The following ARID5B variants were observed in gnomAD, a reference collection of about 807,000 sequenced individuals.
ARID5B encodes AT-rich interaction domain 5B.
ARID5B carries 13 observed loss-of-function variants against 97.2 expected under a neutral mutation model. The ratio of observed to expected loss-of-function variants is 0.13; its 90% CI spans 0.09 to 0.21. ARID5B has a LOEUF of 0.21. ARID5B is among the 10% of genes least tolerant of loss of function. The probability of loss-of-function intolerance (pLI) is 1.00; values close to 1 mark genes in which losing one functional copy is unlikely to be tolerated. For synonymous variants in ARID5B, 556 were observed against 570.3 expected (o/e 0.97, Z 0.36); for missense variants, 1,210 against 1,465.3 (o/e 0.83, Z 2.84).
chr10:61,969,343 T>A (rs1838591900), intron 3 of ARID5B, among the ~76,000 whole-genome samples: 1 of 152,180 alleles, frequency 6.6e-6, no homozygotes, highest in Non-Finnish European at 1.5e-5. Flanking sequence ...TTTTGTGAGG[T>A]GGTCAAACAG....
chr10:62,091,165 A>G lies in ARID5B; in HGVS notation c.1702A>G (p.Ser568Gly). Residue 568 changes from serine (S) to glycine (G), a missense_variant, in exon 10 of 10, where the codon AGT (serine) becomes GGT (glycine). By Grantham distance (56) the Ser-to-Gly change is moderately conservative. Coordinates refer to ENST00000279873, the MANE Select transcript of ARID5B (RefSeq NM_032199.3). ...CAGCAAACAGCCACTCACCTCTCCTAGTGCCCTGGTGGACTCAAAACAAGA... is the reference window on the plus strand; with the variant it reads ...CAGCAAACAGCCACTCACCTCTCCTGGTGCCCTGGTGGACTCAAAACAAGA... ...GASKQPLTSPSALVDSKQESK... is the reference protein window; with the variant it reads ...GASKQPLTSPGALVDSKQESK... 1.2e-6 allele frequency: 2 copies of G among 1,614,130 alleles called. No individual in the cohort carries two copies. Among genetic ancestry groups the G allele is most frequent in the Non-Finnish European group, 1.7e-6 (2 of 1,180,012 alleles).
Position 62,093,651 on chromosome 10 carries a change from C to CTTTTTT in ARID5B, c.*643_*648dup, listed in dbSNP as rs57902062. On this transcript the variant is annotated 3_prime_UTR_variant, in exon 10 of 10. Coordinates refer to ENST00000279873, the MANE Select transcript of ARID5B (RefSeq NM_032199.3). ...CCATTTTCTCCCAGTTCCTTCTCGTCTTTTTTTTTTTTTTTTTTTTTTTTT... is the reference window on the plus strand; with the variant it reads ...CCATTTTCTCCCAGTTCCTTCTCGTCTTTTTTTTTTTTTTTTTTTTTTTTTTTTTTT... 16 of 87,010 alleles carry CTTTTTT rather than the reference C, an allele frequency of 1.8e-4. No homozygotes were observed. The highest frequency in any genetic ancestry group is 6.7e-4 in the Admixed American group (3 of 4,454). 5.4% of individuals were successfully genotyped at this position (87,010 alleles called of 1,614,324 possible).
At chr10:62,029,050 A>T (rs1302934678) in intron 4 of ARID5B, among the ~76,000 whole-genome samples, 1 of 152,158 alleles carries the variant, frequency 6.6e-6, no homozygotes, top group African/African-American at 2.4e-5. Flanking sequence ...ACCTAAATCA[A>T]GGGAGATCTG....
chr10:61,961,576 G>C (rs544693399), intron 3 of ARID5B, among the ~76,000 whole-genome samples: 1 of 152,216 alleles, frequency 6.6e-6, no homozygotes, highest in South Asian at 2.1e-4. Context: ...TGCCCTTTTC[G>C]CGTGTCAGTT....
chr10:61,992,168 A>G (rs1285437933), intron 3 of ARID5B, among the ~76,000 whole-genome samples: 1 of 152,240 alleles, frequency 6.6e-6, no homozygotes, highest in African/African-American at 2.4e-5. Flanking sequence ...CAATCTGGCC[A>G]TGAAGTCTCA....
intron 6 of ARID5B, 105 bp downstream of exon 6, chr10:62,057,423 A>AT: frequency 8.6e-7 from 1 of 1,164,112 alleles, no homozygotes; most frequent in Middle Eastern, 2.7e-4. Flanking sequence ...TAATCTGGGG[A>AT]TAGTGCTCTC....
At chr10:61,973,297 G>A (rs1838655019) in intron 3 of ARID5B, among the ~76,000 whole-genome samples, 1 of 152,154 alleles carries the variant, frequency 6.6e-6, no homozygotes, top group South Asian at 2.1e-4. Context: ...TAGAAAACTA[G>A]CAAAGTGATG....
chr10:62,032,178 G>A (rs1458969164), intron 4 of ARID5B, among the ~76,000 whole-genome samples: 2 of 152,146 alleles, frequency 1.3e-5, no homozygotes, highest in Non-Finnish European at 2.9e-5. Context: ...AAGTAGTCAG[G>A]TGTGGTGGCA....
Position 62,092,731 on chromosome 10 carries a change from G to A in ARID5B, c.3268G>A (p.Gly1090Ser), listed in dbSNP as rs1405830003. The A allele has an allele frequency of 6.2e-7, 1 of 1,613,950 alleles. No individual in the cohort carries two copies. The highest frequency in any genetic ancestry group is 8.5e-7 in the Non-Finnish European group (1 of 1,180,016). Residue 1090 changes from glycine (G) to serine (S), a missense_variant, in exon 10 of 10, where the codon GGC becomes AGC. Physicochemically the swap from Gly to Ser is moderately conservative, Grantham distance 56 (BLOSUM62 0). Around this residue, in one of 8 missense-constraint regions of ARID5B, gnomAD observed 800 missense variants for 839.1 expected, o/e 0.95. Transcript: ENST00000279873. ...GTATTCCGGGAGCCTGTGTAACTCG[G>A]GCCTCAACTCCAGGCTCCCGGCTGG... ...GLYSGSLCNSGLNSRLPAGYS... is the reference protein window; with the variant it reads ...GLYSGSLCNSSLNSRLPAGYS...
At chr10:62,040,699 TATC>T (rs1410143740) in intron 4 of ARID5B, among the ~76,000 whole-genome samples, 2 of 152,232 alleles carry the variant, frequency 1.3e-5, no homozygotes, top group Non-Finnish European at 2.9e-5. Context: ...TTCAAAATAT[TATC>T]ATTTCAATAT....
chr10:61,904,068 T>G, intron 2 of ARID5B, among the ~76,000 whole-genome samples: 1 of 57,706 alleles, frequency 1.7e-5, no homozygotes, highest in East Asian at 5.5e-4. Flanking sequence ...CGACCCAACT[T>G]TCCTGCGCAG....
intron 3 of ARID5B, among the ~76,000 whole-genome samples, chr10:61,946,651 A>G (rs551201905): frequency 3.9e-4 from 59 of 152,320 alleles, no homozygotes; most frequent in Non-Finnish European, 7.8e-4. Context: ...GGCCAGGCGC[A>G]GTGGCTCACA....
At chr10:62,050,371 C>A (rs1390266962) in intron 4 of ARID5B, among the ~76,000 whole-genome samples, 1 of 152,178 alleles carries the variant, frequency 6.6e-6, no homozygotes, top group African/African-American at 2.4e-5. Context: ...ATGCCCCTCT[C>A]TCTATAGCTA....
chr10:61,905,646 G>A (rs1441088528), intron 2 of ARID5B, among the ~76,000 whole-genome samples: 3 of 152,136 alleles, frequency 2.0e-5, no homozygotes, highest in Non-Finnish European at 2.9e-5. Context: ...ACCTACCCTT[G>A]AAAGCAGAGC....
intron 4 of ARID5B, among the ~76,000 whole-genome samples, chr10:62,014,478 TA>T (rs987555589): frequency 2.0e-5 from 3 of 152,142 alleles, no homozygotes; most frequent in African/African-American, 4.8e-5. Context: ...TGCAGATGGG[TA>T]AAAGGCTTTG....
In ARID5B at chr10:61,949,996, C is replaced by T. The variant is rs573797754; in HGVS notation, c.502+9588C>T. Among the ~76,000 whole-genome samples, 4 of 152,124 alleles carry T rather than the reference C, an allele frequency of 2.6e-5. No homozygotes were observed. The East Asian group carries it at 7.7e-4, about 29-fold the overall frequency. ...GGTCTATTGTGAAGGACAAACCCAA[C>T]TGATCCACCATGTTTTGTTCTTTTT... On this transcript the variant is annotated intron_variant, in intron 3 of 9. Transcript: ENST00000279873.
chr10:61,926,568 AC>A (rs1354112559), intron 2 of ARID5B, among the ~76,000 whole-genome samples: 7 of 151,918 alleles, frequency 4.6e-5, no homozygotes, highest in African/African-American at 1.7e-4. Flanking sequence ...AGGATGAGAA[AC>A]CCAGGTATTT....
rs762202650 is a variant in ARID5B at position 62,057,239 on chromosome 10, C to T, written c.969C>T (p.Ala323=). ...IGEECRADEQ[A]FLVALYKYMK... ...AAGAGTGCAGGGCAGATGAACAAGC[C>T]TTCTTGGTGGCACTTTATAAATACA... is the stretch of plus-strand genomic sequence containing the variant. Residue 323 remains alanine (A), a synonymous_variant, in exon 6 of 10, where the codon GCC becomes GCT. Coordinates refer to ENST00000279873, the MANE Select transcript of ARID5B (RefSeq NM_032199.3). 2 of 1,611,542 alleles carry T rather than the reference C, an allele frequency of 1.2e-6. No individual in the cohort carries two copies. Among genetic ancestry groups the T allele is most frequent in the South Asian group, 1.1e-5 (1 of 91,036 alleles).
At chr10:61,983,268 C>T (rs1838801185) in intron 3 of ARID5B, among the ~76,000 whole-genome samples, 1 of 152,160 alleles carries the variant, frequency 6.6e-6, no homozygotes, top group Non-Finnish European at 1.5e-5. Context: ...GTTTTCTCAT[C>T]CAAGCCCTTC....
Sources: gnomAD v4.1 joint callset for allele counts (sites outside exome capture counted in the v4.1 genomes callset) on GRCh38, gnomAD v4.1.1 for gene constraint, gnomAD v4.1.1 regional missense constraint, MANE v1.5 for transcripts, NCBI Gene and HGNC (gene_info 2026-07-23, HGNC 2026-07-21) for gene names.